Variants in HHIPL1 observed in about 807,000 individuals in gnomAD.
HHIPL1 encodes the protein HHIP like 1.
A neutral mutation model predicts 61.8 loss-of-function variants in HHIPL1; 43 were observed. The observed-to-expected ratio is 0.70, with a 90% CI of 0.55 to 0.90. The LOEUF (loss-of-function observed/expected upper bound fraction) is 0.90, where lower values mean the gene tolerates loss of function less well. Among genes scored for constraint, HHIPL1 ranks in the 40% least tolerant of loss-of-function variants. The pLI is 0.00. For synonymous variants in HHIPL1, 482 were observed against 515.8 expected (o/e 0.93, Z 0.89); for missense variants, 1,056 against 1,157.7 (o/e 0.91, Z 1.28).
chr14:99,625,913 C>T, the HHIPL1 span, among the ~76,000 whole-genome samples: 1 of 152,176 alleles, frequency 6.6e-6, no homozygotes, highest in African/African-American at 2.4e-5. Flanking sequence ...GCAAGACTCC[C>T]CACAAGTTGT....
intron 7 of HHIPL1, among the ~76,000 whole-genome samples, chr14:99,670,444 G>T (rs2056315305): frequency 6.6e-6 from 1 of 152,132 alleles, no homozygotes; most frequent in Non-Finnish European, 1.5e-5. Flanking sequence ...GTTTCTAGTT[G>T]TTCCCCAATG....
In HHIPL1 at chr14:99,675,654, C is replaced by T. The variant is rs2056383453; in HGVS notation, c.*28C>T. 1 of 1,477,088 alleles carries T rather than the reference C, an allele frequency of 6.8e-7. No individual in the cohort carries two copies. 91.5% of individuals were successfully genotyped at this position (1,477,088 alleles called of 1,614,324 possible). On this transcript the variant is annotated 3_prime_UTR_variant, in exon 9 of 9. Coordinates refer to ENST00000330710, the MANE Select transcript of HHIPL1 (RefSeq NM_001127258.3). This position sits in a 1 kb window ranked among gnomAD's most constrained non-coding sequence, Gnocchi z 5.4. ...AACACGCCGCTGCCCCAGGCCATCC[C>T]GCCGGCGGGGGAGCCTGGCAGGGGC...
In HHIPL1 at chr14:99,674,352, C is replaced by A. The variant is rs913863573; in HGVS notation, c.1814-739C>A. Among the ~76,000 whole-genome samples the A allele has an allele frequency of 2.0e-5, 3 of 152,024 alleles. No homozygotes were observed. The East Asian group carries it at 5.8e-4, about 29-fold the overall frequency. On this transcript the variant is annotated intron_variant, in intron 8 of 8. Coordinates refer to ENST00000330710, the MANE Select transcript of HHIPL1 (RefSeq NM_001127258.3). ...TGTGGCTGACCTGGGCCAAGCGTGTCCCCACATTCTGCAGAGACAAAGGAA... is the reference window on the plus strand; with the variant it reads ...TGTGGCTGACCTGGGCCAAGCGTGTACCCACATTCTGCAGAGACAAAGGAA...
At chr14:99,630,950 CT>C in the HHIPL1 span, among the ~76,000 whole-genome samples, 4 of 152,156 alleles carry the variant, frequency 2.6e-5, no homozygotes, top group Non-Finnish European at 4.4e-5. Context: ...CGCATGTCCT[CT>C]GTCCAAATGT....
chr14:99,634,808 C>T, the HHIPL1 span, among the ~76,000 whole-genome samples: 1 of 152,170 alleles, frequency 6.6e-6, no homozygotes, highest in Non-Finnish European at 1.5e-5. Context: ...AGGCCGAGAG[C>T]CAGGCTGGCA....
the HHIPL1 span, among the ~76,000 whole-genome samples, chr14:99,637,067 A>G: frequency 2.3e-4 from 27 of 118,436 alleles, no homozygotes; most frequent in East Asian, 4.7e-3. Context: ...AGGAAAAAAG[A>G]AAGAAAGAGA....
chr14:99,637,228 G>T, the HHIPL1 span, among the ~76,000 whole-genome samples: 7 of 145,068 alleles, frequency 4.8e-5, 1 homozygote, highest in Non-Finnish European at 1.1e-4. Flanking sequence ...AAGAAAGAAA[G>T]AAAGAAAGAA....
At chr14:99,662,852 C>T in intron 5 of HHIPL1, 24 bp from the exon 6 acceptor site, 1 of 1,562,438 alleles carries the variant, frequency 6.4e-7, no homozygotes, top group Non-Finnish European at 8.7e-7. Flanking sequence ...CAGGCATGGC[C>T]TCACAGCTCA....
Position 99,660,233 on chromosome 14 carries a change from C to G in HHIPL1, c.1376-47C>G. 6.2e-7 allele frequency: 1 copy of G among 1,611,746 alleles called. No homozygotes were observed. Among genetic ancestry groups the G allele is most frequent in the Non-Finnish European group, 8.5e-7 (1 of 1,179,250 alleles). Reference sequence around the variant, plus strand: ...TCCGGAATTCTCCTGGCTGATGAACCTTCCCGCCGCTGGCTCACCGAAGCT... The same window carrying G: ...TCCGGAATTCTCCTGGCTGATGAACGTTCCCGCCGCTGGCTCACCGAAGCT... On this transcript the variant is annotated intron_variant, in intron 4 of 8. Transcript: ENST00000330710. This position sits in a 1 kb window ranked among gnomAD's most constrained non-coding sequence, Gnocchi z 4.9.
chr14:99,645,900 G>A (rs1288912048), intron 1 of HHIPL1, among the ~76,000 whole-genome samples: 3 of 152,196 alleles, frequency 2.0e-5, no homozygotes, highest in African/African-American at 4.8e-5. Context: ...AAAGCAGGGG[G>A]CCCTGGCGTG....
At chr14:99,658,975 G>T (rs752471182) in intron 3 of HHIPL1, among the ~76,000 whole-genome samples, 3 of 152,150 alleles carry the variant, frequency 2.0e-5, no homozygotes, top group Non-Finnish European at 4.4e-5. Flanking sequence ...TACTATTACA[G>T]TTGAGGACAC....
intron 1 of HHIPL1, among the ~76,000 whole-genome samples, chr14:99,648,934 A>C (rs1191331576): frequency 6.6e-6 from 1 of 152,190 alleles, no homozygotes; most frequent in African/African-American, 2.4e-5. Flanking sequence ...TCTGGGCAAG[A>C]TGGGGGCCCT....
At chr14:99,631,077 T>TTTC in the HHIPL1 span, among the ~76,000 whole-genome samples, 1 of 148,158 alleles carries the variant, frequency 6.7e-6, no homozygotes, top group Non-Finnish European at 1.5e-5. Context: ...TCTTTCTTTC[T>TTTC]TTCTTTCTTT....
At chr14:99,630,092 T>C in the HHIPL1 span, among the ~76,000 whole-genome samples, 2 of 152,214 alleles carry the variant, frequency 1.3e-5, no homozygotes, top group Non-Finnish European at 1.5e-5. Context: ...CAGATAACCA[T>C]GTGGGAGTCT....
At chr14:99,619,368 A>C in the HHIPL1 span, among the ~76,000 whole-genome samples, 1 of 151,674 alleles carries the variant, frequency 6.6e-6, no homozygotes. Context: ...AGGCTGAGGC[A>C]GGAGAATTGC....
chr14:99,675,282 CGG>C lies in HHIPL1; in HGVS notation c.2007_2008del (p.Asp670TrpfsTer147), dbSNP rs1237433126. On this transcript the variant is annotated frameshift_variant, in exon 9 of 9. Transcript: ENST00000330710. LOFTEE classifies it low-confidence loss of function (END_TRUNC). This position sits in a 1 kb window ranked among gnomAD's most constrained non-coding sequence, Gnocchi z 5.4. ...GRLNSASRAF[R>X]DGEVRLVRPA... ...GCTGAACTCGGCGAGCCGGGCGTTC[CGG>C]GATGGCGAGGTGCGCCTGGTGCGGC... is the stretch of plus-strand genomic sequence containing the variant. 31 of 1,264,994 alleles carry C rather than the reference CGG, an allele frequency of 2.5e-5. No homozygotes were observed. Among genetic ancestry groups the C allele is most frequent in the African/African-American group, 1.6e-5 (1 of 64,350 alleles). 78.4% of individuals were successfully genotyped at this position (1,264,994 alleles called of 1,614,324 possible).
chr14:99,652,768 A>G lies in HHIPL1; in HGVS notation c.800A>G (p.Tyr267Cys), dbSNP rs1290261275. The G allele has an allele frequency of 6.2e-7, 1 of 1,613,870 alleles. No individual in the cohort carries two copies. Among genetic ancestry groups the G allele is most frequent in the Non-Finnish European group, 8.5e-7 (1 of 1,180,018 alleles). Reference protein sequence around the residue: ...HPSFQHNRRLYVYYSVGIRSS... With the variant: ...HPSFQHNRRLCVYYSVGIRSS... Reference sequence around the variant, plus strand: ...AGCTTCCAGCACAACCGCAGGCTCTACGTCTACTACTCAGTGGGTATCCGC... The same window carrying G: ...AGCTTCCAGCACAACCGCAGGCTCTGCGTCTACTACTCAGTGGGTATCCGC... Residue 267 changes from tyrosine (Y) to cysteine (C), a missense_variant, in exon 2 of 9, where the codon TAC (tyrosine) becomes TGC (cysteine). Coordinates refer to ENST00000330710, the MANE Select transcript of HHIPL1 (RefSeq NM_001127258.3).
At chr14:99,620,170 G>A in the HHIPL1 span, among the ~76,000 whole-genome samples, 2 of 152,220 alleles carry the variant, frequency 1.3e-5, no homozygotes, top group Non-Finnish European at 2.9e-5. Context: ...CAGCCAGCCG[G>A]TGATGGATTT....
Position 99,675,110 on chromosome 14 carries a change from G to A in HHIPL1, c.1833G>A (p.Arg611=). The A allele has an allele frequency of 8.6e-7, 1 of 1,166,416 alleles. No individual in the cohort carries two copies. The highest frequency in any genetic ancestry group is 2.7e-5 in the South Asian group (1 of 37,354). 72.3% of individuals were successfully genotyped at this position (1,166,416 alleles called of 1,614,324 possible). A position where few individuals can be genotyped will look rare whatever the true frequency, so the allele number is the denominator to read the frequency against. The change falls in exon 9 of 9, where the codon CGG becomes CGA. Residue 611 remains arginine, a synonymous_variant. Transcript: ENST00000330710. The surrounding 1 kb of genome is among the most constrained non-coding windows in gnomAD (Gnocchi z 5.4). ...VPKEKFIPKT[R]STPRPTARAP... is the part of the protein sequence containing the mutation. ...GCGCAGAGTTCATCCCGAAGACACG[G>A]AGCACCCCGCGGCCTACAGCGCGGG... is the stretch of plus-strand genomic sequence containing the variant.
Sources: gnomAD v4.1 joint callset for allele counts (sites outside exome capture counted in the v4.1 genomes callset) on GRCh38, gnomAD v4.1.1 for gene constraint, Gnocchi (gnomAD v3.1) non-coding constraint, MANE v1.5 for transcripts, NCBI Gene and HGNC (gene_info 2026-07-23, HGNC 2026-07-21) for gene names.